Variants in ARLN observed in about 807,000 individuals in gnomAD.
ARLN encodes the protein sarcoplasmic/endoplasmic reticulum calcium ATPase regulator ARLN.
At chr4:119,303,254 G>C in the ARLN span, among the ~76,000 whole-genome samples, 5 of 127,574 alleles carry the variant, frequency 3.9e-5, no homozygotes, top group East Asian at 1.2e-3. Flanking sequence ...TTTTTTTGGA[G>C]ACGGAGTCTT....
At chr4:119,298,525 G>T in the ARLN span, 1 of 407,530 alleles carries the variant, frequency 2.5e-6, no homozygotes. Flanking sequence ...CCCCTGTAAA[G>T]CCATCAGATG....
At chr4:119,300,655 CG>C in the ARLN span, 1 of 1,560,938 alleles carries the variant, frequency 6.4e-7, no homozygotes, top group Non-Finnish European at 8.6e-7. Context: ...CGCCGCGCCC[CG>C]GGTTCCGGAA....
chr4:119,303,437 G>A, the ARLN span, among the ~76,000 whole-genome samples: 22 of 151,824 alleles, frequency 1.4e-4, no homozygotes, highest in African/African-American at 4.3e-4. Flanking sequence ...GTTTCGCCAT[G>A]TTGGCCAGGC....
chr4:119,300,411 T>G, the ARLN span: 346 of 1,611,954 alleles, frequency 2.1e-4, 1 homozygote, highest in Middle Eastern at 3.1e-3. Context: ...CCAGTAGGAG[T>G]GTTTGGGAAG....
chr4:119,299,330 T>TATAG, the ARLN span, among the ~76,000 whole-genome samples: 2 of 152,058 alleles, frequency 1.3e-5, no homozygotes, highest in Non-Finnish European at 2.9e-5. Flanking sequence ...TTGGTGAAAA[T>TATAG]ATAGGATGGG....
chr4:119,297,406 G>C, the ARLN span: 1 of 152,274 alleles, frequency 6.6e-6, no homozygotes, highest in East Asian at 1.9e-4. Context: ...TTAAACAAAA[G>C]ACCACTTCTA....
At chr4:119,303,549 C>T in the ARLN span, among the ~76,000 whole-genome samples, 1 of 152,244 alleles carries the variant, frequency 6.6e-6, no homozygotes, top group East Asian at 1.9e-4. Flanking sequence ...CTCTTTCATT[C>T]TTACTCCTTT....
At chr4:119,300,520 G>T in the ARLN span, 1 of 1,614,030 alleles carries the variant, frequency 6.2e-7, no homozygotes, top group Non-Finnish European at 8.5e-7. Context: ...TCAACACCCG[G>T]TGCGTCCACC....
At chr4:119,301,169 C>A in the ARLN span, among the ~76,000 whole-genome samples, 19 of 147,806 alleles carry the variant, frequency 1.3e-4, 1 homozygote, top group African/African-American at 4.8e-4. Context: ...TTTGAGAGGC[C>A]GAGGCGGGCG....
chr4:119,300,164 A>C, the ARLN span, among the ~76,000 whole-genome samples: 4 of 151,732 alleles, frequency 2.6e-5, no homozygotes, highest in Non-Finnish European at 5.9e-5. Context: ...CGTGCTAAAG[A>C]AGGACATTTT....
chr4:119,303,111 C>T, the ARLN span, among the ~76,000 whole-genome samples: 1 of 152,194 alleles, frequency 6.6e-6, no homozygotes, highest in Non-Finnish European at 1.5e-5. Flanking sequence ...TTTGTCTTTT[C>T]CTCCTTTTCA....
At chr4:119,304,420 A>G in the ARLN span, 1 of 1,536,110 alleles carries the variant, frequency 6.5e-7, no homozygotes, top group Non-Finnish European at 8.7e-7. Context: ...TCTCCTATTA[A>G]TGGGGCTATT....
At chr4:119,300,030 G>A in the ARLN span, among the ~76,000 whole-genome samples, 66,291 of 151,436 alleles carry the variant, frequency 0.44, 14,723 homozygotes, top group African/African-American at 0.47. Context: ...AGCTCCAAAA[G>A]GCGAAATAAC....
the ARLN span, chr4:119,297,822 A>G: frequency 6.6e-6 from 1 of 152,532 alleles, no homozygotes; most frequent in Non-Finnish European, 1.5e-5. Context: ...GGCCTTTTTG[A>G]TTAAATACTA....
the ARLN span, chr4:119,300,763 A>T: frequency 6.7e-7 from 1 of 1,482,574 alleles, no homozygotes; most frequent in Non-Finnish European, 8.9e-7. Flanking sequence ...CCGCCTTGAC[A>T]CTAAGTCAAT....
chr4:119,301,980 T>G, the ARLN span, among the ~76,000 whole-genome samples: 1 of 152,208 alleles, frequency 6.6e-6, no homozygotes, highest in African/African-American at 2.4e-5. Context: ...GATTGTGTGC[T>G]GTAATACAGA....
At chr4:119,304,412 T>C in the ARLN span, 2 of 1,536,572 alleles carry the variant, frequency 1.3e-6, no homozygotes, top group Non-Finnish European at 1.7e-6. Flanking sequence ...TGTAATGGTC[T>C]CCTATTAATG....
At chr4:119,296,494 C>T in the ARLN span, 21 of 152,116 alleles carry the variant, frequency 1.4e-4, no homozygotes, top group Admixed American at 5.2e-4. Context: ...ATCTGCTTTC[C>T]GCAGACAGTA....
At chr4:119,297,269 C>T in the ARLN span, 3 of 152,304 alleles carry the variant, frequency 2.0e-5, no homozygotes, top group East Asian at 1.9e-4. Flanking sequence ...ACTTGACTAA[C>T]CCTAAGAACG....
Sources: gnomAD v4.1 joint callset for allele counts (sites outside exome capture counted in the v4.1 genomes callset) on GRCh38, gnomAD v4.1.1 for gene constraint, MANE v1.5 for transcripts, NCBI Gene and HGNC (gene_info 2026-07-23, HGNC 2026-07-21) for gene names.